ARSB: variants seen among roughly 807,000 people sequenced by gnomAD.
ARSB encodes N-acetylgalactosamine-4-sulfatase.
A neutral mutation model predicts 50.9 loss-of-function variants in ARSB; 41 were observed. The observed-to-expected ratio is 0.81, with a 90% CI of 0.63 to 1.04. ARSB has a LOEUF of 1.04. ARSB is among the 50% of genes least tolerant of loss of function. The pLI is 0.00. For missense variants in ARSB, 672 were observed against 693.3 expected, an observed-to-expected ratio of 0.97 and a Z score of 0.35; for synonymous variants, 269 against 284.8, an observed-to-expected ratio of 0.94 and a Z score of 0.56.
intron 5 of ARSB, among the ~76,000 whole-genome samples, chr5:78,873,316 G>A (rs1747315878): frequency 1.3e-5 from 2 of 151,762 alleles, no homozygotes; most frequent in African/African-American, 2.4e-5. Context: ...AAAGCGTGTA[G>A]AGAATAGAAA....
chr5:78,868,219 C>G (rs987869085), intron 5 of ARSB, among the ~76,000 whole-genome samples: 4 of 139,126 alleles, frequency 2.9e-5, no homozygotes, highest in African/African-American at 1.1e-4. Flanking sequence ...GAGAATGGAA[C>G]CAAGTTGGCA....
Position 78,943,099 on chromosome 5 carries a change from C to T in ARSB, c.898+12196G>A, listed in dbSNP as rs377212522. Among the ~76,000 whole-genome samples the T allele has an allele frequency of 1.1e-4, 17 of 152,342 alleles. No individual in the cohort carries two copies. The East Asian group carries it at 1.5e-3, about 14-fold the overall frequency. ...TCTGTTTTATCAGAGACTAGGATTG[C>T]AATCCCTGCCTTTTTTTGTTTTTCA... is the stretch of plus-strand genomic sequence containing the variant. On this transcript the variant is annotated intron_variant, in intron 4 of 7. Coordinates refer to ENST00000264914, the MANE Select transcript of ARSB (RefSeq NM_000046.5).
intron 5 of ARSB, among the ~76,000 whole-genome samples, chr5:78,860,252 G>C (rs1746367954): frequency 6.6e-6 from 1 of 152,168 alleles, no homozygotes; most frequent in Non-Finnish European, 1.5e-5. Flanking sequence ...TATTGTGTGG[G>C]AGTCTAAGTC....
chr5:78,909,777 G>A (rs192516882), intron 4 of ARSB, among the ~76,000 whole-genome samples: 89 of 152,264 alleles, frequency 5.8e-4, no homozygotes, highest in Non-Finnish European at 9.1e-4. Flanking sequence ...CCCCCAGCCC[G>A]AGACCCGTGA....
chr5:78,811,479 A>G (rs779088854), intron 6 of ARSB, among the ~76,000 whole-genome samples: 3 of 152,232 alleles, frequency 2.0e-5, no homozygotes, highest in Non-Finnish European at 4.4e-5. Context: ...CTCTGATATG[A>G]GGATTATGAG....
At chr5:78,951,175 T>C (rs1580115728) in intron 4 of ARSB, among the ~76,000 whole-genome samples, 1 of 152,252 alleles carries the variant, frequency 6.6e-6, no homozygotes, top group East Asian at 1.9e-4. Flanking sequence ...GCCCAGGAGT[T>C]TGAGACCAGT....
chr5:78,983,997 G>A (rs163129), intron 1 of ARSB, among the ~76,000 whole-genome samples: 22,946 of 152,084 alleles, frequency 0.15, 2,033 homozygotes, highest in East Asian at 0.31. Flanking sequence ...AATAACTTCA[G>A]GGTCTTAGAA....
At chr5:78,882,208 GAAT>G (rs945109798) in intron 5 of ARSB, among the ~76,000 whole-genome samples, 9 of 152,182 alleles carry the variant, frequency 5.9e-5, no homozygotes, top group Non-Finnish European at 1.3e-4. Context: ...GGGAAAATTA[GAAT>G]AATATTTCTA....
rs78656703 is a variant in ARSB at position 78,953,169 on chromosome 5, C to T, written c.898+2126G>A. ...AATTATAGTATTTGGATAGCACCCA[C>T]ACAAGTGAACAAGGCTGCTCAGGGT... On this transcript the variant is annotated intron_variant, in intron 4 of 7. Transcript: ENST00000264914. Among the ~76,000 whole-genome samples, 391 of 152,334 alleles carry T rather than the reference C, an allele frequency of 2.6e-3. 1 individual carries two copies. The highest frequency in any genetic ancestry group is 8.8e-3 in the African/African-American group (365 of 41,584).
intron 5 of ARSB, among the ~76,000 whole-genome samples, chr5:78,847,940 C>A (rs1380472992): frequency 6.6e-6 from 1 of 151,862 alleles, no homozygotes; most frequent in Non-Finnish European, 1.5e-5. Context: ...TTATTTGGAC[C>A]ATTTACATTC....
chr5:78,978,156 T>C (rs1752745452), intron 1 of ARSB, among the ~76,000 whole-genome samples: 1 of 152,056 alleles, frequency 6.6e-6, no homozygotes, highest in Non-Finnish European at 1.5e-5. Context: ...CTGGCCAACA[T>C]GGTGAAACCC....
rs1444047050 is a variant in ARSB, at chr5:78,885,507, C to G, written c.1142+77G>C. The G allele has an allele frequency of 3.2e-6, 5 of 1,569,842 alleles. No individual in the cohort carries two copies. The African/African-American group carries it at 6.8e-5, about 21-fold the overall frequency. On this transcript the variant is annotated intron_variant, in intron 5 of 7. Transcript: ENST00000264914. ...CTGAACTATCATTTTAACACAAAAG[C>G]TATCATTCTTGCTCAATGGAGTCAG... is the stretch of plus-strand genomic sequence containing the variant.
At chr5:78,811,743 T>A (rs1213778717) in intron 6 of ARSB, among the ~76,000 whole-genome samples, 2 of 152,254 alleles carry the variant, frequency 1.3e-5, no homozygotes, top group Non-Finnish European at 2.9e-5. Flanking sequence ...AAGTCTCTTA[T>A]GGGTGTATCA....
intron 5 of ARSB, among the ~76,000 whole-genome samples, chr5:78,880,111 A>T (rs886594158): frequency 6.6e-6 from 1 of 152,120 alleles, no homozygotes; most frequent in African/African-American, 2.4e-5. Flanking sequence ...GTTCCATAAG[A>T]GATTGGCCGC....
intron 1 of ARSB, among the ~76,000 whole-genome samples, chr5:78,978,007 C>T (rs901344950): frequency 1.3e-5 from 2 of 152,144 alleles, no homozygotes; most frequent in African/African-American, 2.4e-5. Context: ...AATGCTTACA[C>T]ACTAAAAATT....
At chr5:78,874,212 A>C (rs1747379274) in intron 5 of ARSB, among the ~76,000 whole-genome samples, 2 of 152,256 alleles carry the variant, frequency 1.3e-5, no homozygotes, top group South Asian at 4.1e-4. Context: ...AATCTATTCA[A>C]GGATGAATTC....
intron 1 of ARSB, among the ~76,000 whole-genome samples, chr5:78,972,543 A>ACACACACACACACACACACC (rs1361695118): frequency 3.4e-4 from 51 of 150,412 alleles, no homozygotes; most frequent in African/African-American, 1.2e-3. Flanking sequence ...ACACACACAC[A>ACACACACACACACACACACC]CCCCAAATCA....
chr5:78,956,135 A>G (rs1182962031), intron 3 of ARSB, among the ~76,000 whole-genome samples: 1 of 152,218 alleles, frequency 6.6e-6, no homozygotes, highest in Admixed American at 6.5e-5. Context: ...ACATCTATCA[A>G]TTGATGAATG....
intron 4 of ARSB, among the ~76,000 whole-genome samples, chr5:78,902,865 G>C (rs1276901284): frequency 6.6e-6 from 1 of 152,064 alleles, no homozygotes; most frequent in African/African-American, 2.4e-5. Flanking sequence ...ACAACTTTGT[G>C]AATATACTAA....
Sources: gnomAD v4.1 joint callset for allele counts (sites outside exome capture counted in the v4.1 genomes callset) on GRCh38, gnomAD v4.1.1 for gene constraint, MANE v1.5 for transcripts, NCBI Gene and HGNC (gene_info 2026-07-23, HGNC 2026-07-21) for gene names.